The following ROBO2 variants were observed in gnomAD, a reference collection of about 807,000 sequenced individuals.
ROBO2 encodes roundabout guidance receptor 2.
ROBO2 carries 53 observed loss-of-function variants against 160.8 expected under a neutral mutation model. The ratio of observed to expected loss-of-function variants is 0.33; its 90% CI spans 0.26 to 0.41. The LOEUF is 0.41. Ranked by LOEUF, ROBO2 falls within the 10% of genes least tolerant of loss-of-function variation. The pLI, the probability that ROBO2 is intolerant of heterozygous loss-of-function variation, is 1.00. For synonymous variants in ROBO2, 664 were observed against 611.7 expected (o/e 1.09, Z -1.26); for missense variants, 1,577 against 1,722.4 (o/e 0.92, Z 1.49).
intron 2 of ROBO2, among the ~76,000 whole-genome samples, chr3:76,431,477 A>T (rs1020724896): frequency 5.3e-5 from 8 of 152,180 alleles, no homozygotes; most frequent in Non-Finnish European, 1.2e-4. Flanking sequence ...ATAAAACATG[A>T]ATGATATAGT....
chr3:76,144,540 A>C (rs188006188), intron 2 of ROBO2, among the ~76,000 whole-genome samples: 6 of 152,088 alleles, frequency 3.9e-5, no homozygotes, highest in Non-Finnish European at 7.4e-5. Context: ...ATACATCCCT[A>C]TGTGAATTAA....
At chr3:76,187,067 T>TA (rs5850236) in intron 2 of ROBO2, among the ~76,000 whole-genome samples, 131,444 of 150,484 alleles carry the variant, frequency 0.87, 58,087 homozygotes, top group Non-Finnish European at 0.95. Flanking sequence ...TTTCAAGACT[T>TA]AAAAAAAAAA....
At chr3:77,386,720 G>C (rs144419764) in intron 2 of ROBO2, among the ~76,000 whole-genome samples, 5,737 of 147,554 alleles carry the variant, frequency 0.039, 392 homozygotes, top group African/African-American at 0.13. Flanking sequence ...CTCGTGCCTC[G>C]GCCTCCGGAG....
At chr3:77,508,275 A>T (rs571351860) in intron 5 of ROBO2, among the ~76,000 whole-genome samples, 1 of 149,012 alleles carries the variant, frequency 6.7e-6, no homozygotes, top group East Asian at 2.0e-4. Flanking sequence ...TTAAATATGT[A>T]TTTATATAGT....
chr3:76,335,674 T>C (rs2108089187), intron 2 of ROBO2, among the ~76,000 whole-genome samples: 1 of 151,482 alleles, frequency 6.6e-6, no homozygotes, highest in African/African-American at 2.4e-5. Flanking sequence ...ACCTCCCGGG[T>C]TCACGCCATT....
chr3:76,493,338 T>TAA (rs2079944649), intron 2 of ROBO2, among the ~76,000 whole-genome samples: 3 of 7,500 alleles, frequency 4.0e-4, no homozygotes, highest in Admixed American at 1.8e-3. Flanking sequence ...GACAAAAAAT[T>TAA]ATATATATAT....
intron 2 of ROBO2, among the ~76,000 whole-genome samples, chr3:76,543,251 G>A (rs1052181613): frequency 6.6e-6 from 1 of 152,096 alleles, no homozygotes; most frequent in African/African-American, 2.4e-5. Context: ...ATATGTAGAA[G>A]TGTTAACCCA....
At chr3:76,417,859 T>C (rs1161183447) in intron 2 of ROBO2, among the ~76,000 whole-genome samples, 1 of 152,098 alleles carries the variant, frequency 6.6e-6, no homozygotes, top group Non-Finnish European at 1.5e-5. Flanking sequence ...GGATGTGTTC[T>C]CTACCACATA....
intron 2 of ROBO2, among the ~76,000 whole-genome samples, chr3:76,830,585 C>G (rs2066993613): frequency 1.3e-5 from 2 of 152,070 alleles, no homozygotes; most frequent in South Asian, 4.1e-4. Flanking sequence ...CCAGGCAGTT[C>G]AAGTACTTTG....
intron 2 of ROBO2, among the ~76,000 whole-genome samples, chr3:76,066,354 C>T (rs920317046): frequency 6.6e-6 from 1 of 151,906 alleles, no homozygotes; most frequent in African/African-American, 2.4e-5. Flanking sequence ...ATGGATAATG[C>T]AAATGAATAC....
chr3:77,541,381 A>G (rs1338559193), intron 6 of ROBO2, among the ~76,000 whole-genome samples: 1 of 152,182 alleles, frequency 6.6e-6, no homozygotes, highest in Admixed American at 6.5e-5. Context: ...CACTCTCACC[A>G]GCAGGCATTA....
chr3:76,397,824 A>T (rs1197332748), intron 2 of ROBO2, among the ~76,000 whole-genome samples: 1 of 151,880 alleles, frequency 6.6e-6, no homozygotes, highest in Non-Finnish European at 1.5e-5. Context: ...GTCAGGAAAC[A>T]ACAGGTGCTG....
chr3:77,610,654 A>C (rs1228778804), intron 21 of ROBO2, among the ~76,000 whole-genome samples: 1 of 147,938 alleles, frequency 6.8e-6, no homozygotes, highest in Non-Finnish European at 1.5e-5. Context: ...TAGCATTAGA[A>C]TAGATTGTTA....
At chr3:77,395,153 C>G (rs776717202) in intron 2 of ROBO2, among the ~76,000 whole-genome samples, 37 of 152,162 alleles carry the variant, frequency 2.4e-4, no homozygotes, top group Middle Eastern at 3.2e-3. Context: ...AGGATTGCCA[C>G]AGTCTAATTT....
At chr3:76,707,745 A>G (rs1170345495) in intron 2 of ROBO2, among the ~76,000 whole-genome samples, 3 of 147,954 alleles carry the variant, frequency 2.0e-5, no homozygotes, top group African/African-American at 7.4e-5. Flanking sequence ...ATATATATAT[A>G]TATATATATA....
intron 2 of ROBO2, among the ~76,000 whole-genome samples, chr3:77,435,626 C>T (rs775263860): frequency 8.6e-5 from 13 of 151,568 alleles, no homozygotes; most frequent in South Asian, 4.1e-4. Flanking sequence ...ACTATTGATC[C>T]GCTAAAAAAT....
chr3:77,455,960 G>A (rs1334916730), intron 2 of ROBO2, among the ~76,000 whole-genome samples: 1 of 152,054 alleles, frequency 6.6e-6, no homozygotes, highest in Non-Finnish European at 1.5e-5. Flanking sequence ...AAATGCAAAT[G>A]TTTATTTCCC....
intron 2 of ROBO2, among the ~76,000 whole-genome samples, chr3:76,415,933 A>T (rs1252822468): frequency 6.6e-6 from 1 of 152,222 alleles, no homozygotes; most frequent in Non-Finnish European, 1.5e-5. Context: ...ACATCATGTT[A>T]AAATGAATTT....
At chr3:77,375,213 A>G (rs938646033) in intron 2 of ROBO2, among the ~76,000 whole-genome samples, 35 of 152,380 alleles carry the variant, frequency 2.3e-4, no homozygotes, top group African/African-American at 7.9e-4. Context: ...CCTTGTCTCT[A>G]ACAAAGATAT....
Sources: allele counts gnomAD v4.1 joint callset (sites outside exome capture counted in the v4.1 genomes callset), GRCh38; gene constraint gnomAD v4.1.1; transcripts MANE v1.5; gene names NCBI Gene and HGNC (gene_info 2026-07-23, HGNC 2026-07-21).